NRXN1: variants seen among roughly 807,000 people sequenced by gnomAD.
NRXN1 encodes the protein neurexin-1.
In NRXN1, 39 loss-of-function variants were observed where a neutral mutation model predicts 150.9. The observed-to-expected ratio is 0.26, with a 90% CI of 0.20 to 0.34. The LOEUF is 0.34. Among genes scored for constraint, NRXN1 ranks in the 10% least tolerant of loss-of-function variants. The pLI is 1.00. For synonymous variants in NRXN1, 924 were observed against 757.0 expected, an observed-to-expected ratio of 1.22 and a Z score of -3.62; for missense variants, 1,815 against 1,949.9, an observed-to-expected ratio of 0.93 and a Z score of 1.30.
In NRXN1 at chr2:50,282,363, A is replaced by G. The variant is rs75727482; in HGVS notation, c.3365-45393T>C. 6.8e-3 allele frequency among the ~76,000 whole-genome samples: 1,033 copies of G among 152,296 alleles called. 8 individuals are homozygous for G. The highest frequency in any genetic ancestry group is 0.012 in the Non-Finnish European group (783 of 68,024). ...ACATTAATCACAGCCTCAAACTAAG[A>G]TATTACAGTTGACCCTTGAGCAATA... On this transcript the variant is annotated intron_variant, in intron 17 of 22. Transcript: ENST00000401669.
intron 21 of NRXN1, among the ~76,000 whole-genome samples, chr2:49,976,932 A>G (rs1679093346): frequency 6.6e-6 from 1 of 152,238 alleles, no homozygotes; most frequent in African/African-American, 2.4e-5. Context: ...AAAGTGGCCA[A>G]GCTAAACTTG....
At chr2:50,323,473 C>T (rs1204800120) in intron 17 of NRXN1, among the ~76,000 whole-genome samples, 1 of 151,908 alleles carries the variant, frequency 6.6e-6, no homozygotes, top group African/African-American at 2.4e-5. Flanking sequence ...GCACTCAATA[C>T]ATATTTCTGA....
chr2:50,337,104 A>T (rs2077239385), intron 17 of NRXN1, among the ~76,000 whole-genome samples: 2 of 137,404 alleles, frequency 1.5e-5, no homozygotes, highest in African/African-American at 5.5e-5. Flanking sequence ...TTTTTTTGAG[A>T]CGGAGTTTAG....
rs191668513 is a variant in NRXN1, at chr2:49,988,315, A to G, written c.4129-44524T>C. ...ATAATTATTCTGACTATTCTATCAG[A>G]AAAAAAAAAAACTGTACATACTGAA... is the stretch of plus-strand genomic sequence containing the variant. On this transcript the variant is annotated intron_variant, in intron 21 of 22. Coordinates refer to ENST00000401669, the MANE Select transcript of NRXN1 (RefSeq NM_001330078.2). 6.2e-3 allele frequency among the ~76,000 whole-genome samples: 886 copies of G among 143,434 alleles called. 5 individuals carry two copies. The highest frequency in any genetic ancestry group is 0.01 in the Non-Finnish European group (677 of 65,560). The allele number at this position is 143,434 out of a possible 152,430, so 94.1% of individuals were successfully genotyped here.
In NRXN1 at chr2:50,132,071, C is replaced by T. The variant is rs17039939; in HGVS notation, c.3547-40577G>A. Among the ~76,000 whole-genome samples the T allele has an allele frequency of 4.3e-3, 651 of 152,274 alleles. 4 individuals carry two copies. The highest frequency in any genetic ancestry group is 0.014 in the African/African-American group (601 of 41,564). ...TAAAACAACTTCCAGGTGCCATGTG[C>T]TGTTTACAAAGGAATTGAAATACAT... On this transcript the variant is annotated intron_variant, in intron 18 of 22. Coordinates refer to ENST00000401669, the MANE Select transcript of NRXN1 (RefSeq NM_001330078.2).
rs190822759 is a variant in NRXN1, at chr2:50,924,606, T to A, written c.790+1332A>T. 6.3e-4 allele frequency among the ~76,000 whole-genome samples: 96 copies of A among 151,852 alleles called. 1 individual carries two copies. The highest frequency in any genetic ancestry group is 2.2e-3 in the African/African-American group (90 of 41,520). ...GACTGACTTCAAAAGATATTAGGCC[T>A]GCAGGGTAATATATCATTTTTATCA... On this transcript the variant is annotated intron_variant, in intron 3 of 22. Transcript: ENST00000401669.
intron 17 of NRXN1, among the ~76,000 whole-genome samples, chr2:50,246,411 G>C (rs1435455230): frequency 1.3e-5 from 2 of 151,992 alleles, no homozygotes; most frequent in Non-Finnish European, 2.9e-5. Flanking sequence ...TTAAATAGAA[G>C]GGACCATGCA....
chr2:50,585,196 C>A (rs540106252), intron 8 of NRXN1, among the ~76,000 whole-genome samples: 3 of 152,192 alleles, frequency 2.0e-5, no homozygotes, highest in South Asian at 4.2e-4. Context: ...GCAAGTTAAC[C>A]TTTCTAAACC....
At chr2:50,456,059 T>G (rs1037853955) in intron 17 of NRXN1, among the ~76,000 whole-genome samples, 13 of 152,162 alleles carry the variant, frequency 8.5e-5, no homozygotes, top group African/African-American at 3.1e-4. Context: ...CTGCTACATA[T>G]TCCATCTGCT....
intron 5 of NRXN1, among the ~76,000 whole-genome samples, chr2:50,832,174 C>A (rs1376174762): frequency 1.3e-5 from 2 of 151,920 alleles, no homozygotes; most frequent in Non-Finnish European, 2.9e-5. Flanking sequence ...ATCCTGGCAC[C>A]AATGGAAAAG....
intron 5 of NRXN1, among the ~76,000 whole-genome samples, chr2:50,823,758 T>A (rs1670060792): frequency 6.6e-6 from 1 of 152,180 alleles, no homozygotes; most frequent in African/African-American, 2.4e-5. Context: ...TGGTTATTTA[T>A]TGCTTGATAT....
chr2:49,951,762 G>C (rs1429990141), intron 21 of NRXN1, among the ~76,000 whole-genome samples: 2 of 151,998 alleles, frequency 1.3e-5, no homozygotes, highest in Admixed American at 6.6e-5. Flanking sequence ...GTTCTAAGCT[G>C]TATCAACATG....
intron 5 of NRXN1, among the ~76,000 whole-genome samples, chr2:50,656,749 A>G (rs913500020): frequency 2.1e-5 from 3 of 141,074 alleles, no homozygotes; most frequent in Admixed American, 7.0e-5. Flanking sequence ...GCTTACAAAG[A>G]AAAAAAAAAA....
At position 50,767,134 on chromosome 2, in the gene NRXN1, T is replaced by C. The variant is rs540835823; in HGVS notation, c.833-143519A>G. The stretch of plus-strand genomic sequence containing the variant: ...TTTGCTTAGGTCTTGCTTAGTCAAA[T>C]TTGAGAGACAGCTCAACTACCATAC... On this transcript the variant is annotated intron_variant, in intron 5 of 22. Transcript: ENST00000401669. Among the ~76,000 whole-genome samples, 16 of 152,186 alleles carry C rather than the reference T, an allele frequency of 1.1e-4. No individual in the cohort carries two copies. The South Asian group carries it at 3.3e-3, about 32-fold the overall frequency.
At chr2:50,706,270 T>C (rs553662560) in intron 5 of NRXN1, among the ~76,000 whole-genome samples, 4 of 152,340 alleles carry the variant, frequency 2.6e-5, no homozygotes, top group Admixed American at 2.0e-4. Flanking sequence ...CCAGGGTACT[T>C]TTTGATACAT....
At chr2:50,964,936 A>G (rs1693814948) in intron 2 of NRXN1, among the ~76,000 whole-genome samples, 1 of 151,496 alleles carries the variant, frequency 6.6e-6, no homozygotes, top group South Asian at 2.1e-4. Flanking sequence ...GTTGAGCCTA[A>G]GTAACTTCAT....
chr2:50,216,055 T>G (rs1370913456), intron 18 of NRXN1, among the ~76,000 whole-genome samples: 1 of 151,908 alleles, frequency 6.6e-6, no homozygotes, highest in Non-Finnish European at 1.5e-5. Flanking sequence ...GTCAGAAAAG[T>G]TATTTTTAAA....
At chr2:51,023,728 C>T in intron 2 of NRXN1, among the ~76,000 whole-genome samples, 1 of 152,074 alleles carries the variant, frequency 6.6e-6, no homozygotes, top group Non-Finnish European at 1.5e-5. Flanking sequence ...TACTCTGGTA[C>T]ACAAAACAAT....
At chr2:50,156,947 A>T (rs916673175) in intron 18 of NRXN1, among the ~76,000 whole-genome samples, 1 of 152,052 alleles carries the variant, frequency 6.6e-6, no homozygotes, top group Admixed American at 6.6e-5. Flanking sequence ...AATAACAACT[A>T]ATATTTTCAT....
Sources: allele counts gnomAD v4.1 joint callset (sites outside exome capture counted in the v4.1 genomes callset), GRCh38; gene constraint gnomAD v4.1.1; transcripts MANE v1.5; gene names NCBI Gene and HGNC (gene_info 2026-07-23, HGNC 2026-07-21).